HORMAD2: variants seen among roughly 807,000 people sequenced by gnomAD.
HORMAD2 encodes HORMA domain containing 2.
In HORMAD2, 45 loss-of-function variants were observed where a neutral mutation model predicts 38.8. The ratio of observed to expected loss-of-function variants is 1.16; its 90% CI spans 0.91 to 1.49. HORMAD2 has a LOEUF of 1.49. Ranked by LOEUF, HORMAD2 falls within the 40% of genes most tolerant of loss-of-function variation. The pLI, the probability that HORMAD2 is intolerant of heterozygous loss-of-function variation, is 0.00. For synonymous variants in HORMAD2, 126 were observed against 122.8 expected (o/e 1.03, Z -0.17); for missense variants, 338 against 367.0 (o/e 0.92, Z 0.65).
chr22:30,152,349 AC>A (rs540049790), intron 10 of HORMAD2, among the ~76,000 whole-genome samples: 399 of 151,682 alleles, frequency 2.6e-3, no homozygotes, highest in African/African-American at 9.0e-3. Flanking sequence ...GGTTTGTGCC[AC>A]CATGCCTGGC....
rs554547882 is a variant in HORMAD2 at position 30,135,015 on chromosome 22, A to G, written c.819+12801A>G. Among the ~76,000 whole-genome samples, 57 of 152,288 alleles carry G rather than the reference A, an allele frequency of 3.7e-4. 1 individual carries two copies. In the South Asian group the frequency reaches 0.011, roughly 30 times the overall value. On this transcript the variant is annotated intron_variant, in intron 10 of 10. Coordinates refer to ENST00000336726, the MANE Select transcript of HORMAD2 (RefSeq NM_152510.4). ...GAAGAAACAGAAGTTCAAAGACATT[A>G]AGTAGCATGTCCAAGGTTGCCCAAC...
At chr22:30,086,135 G>A (rs1373467558) in intron 1 of HORMAD2, among the ~76,000 whole-genome samples, 1 of 152,110 alleles carries the variant, frequency 6.6e-6, no homozygotes. Context: ...TTAAAAGTGT[G>A]TAGCACCTCC....
At chr22:30,162,713 T>C (rs887153538) in intron 10 of HORMAD2, among the ~76,000 whole-genome samples, 3 of 149,702 alleles carry the variant, frequency 2.0e-5, no homozygotes, top group South Asian at 2.1e-4. Context: ...TTTTTTTTTT[T>C]TTTTTTTGAG....
chr22:30,077,988 G>A (rs2068404312), upstream of HORMAD2, among the ~76,000 whole-genome samples: 1 of 152,204 alleles, frequency 6.6e-6, no homozygotes, highest in South Asian at 2.1e-4. Flanking sequence ...TTGACCTCAA[G>A]GAGTTAAGCC....
At chr22:30,116,427 A>G (rs924237213) in intron 7 of HORMAD2, among the ~76,000 whole-genome samples, 31 of 152,162 alleles carry the variant, frequency 2.0e-4, no homozygotes, top group African/African-American at 7.0e-4. Context: ...TGGACTTGCA[A>G]TTTGCTTTAG....
chr22:30,104,602 T>C, intron 5 of HORMAD2, 165 bp downstream of exon 5: 1 of 514,408 alleles, frequency 1.9e-6, no homozygotes, highest in Non-Finnish European at 3.4e-6. Context: ...TGTTGTTGTC[T>C]CCTTTGCATC....
the HORMAD2 span, among the ~76,000 whole-genome samples, chr22:30,200,169 G>A: frequency 6.6e-6 from 1 of 151,940 alleles, no homozygotes; most frequent in Non-Finnish European, 1.5e-5. Context: ...CACCCGCCTA[G>A]GCCTCCCAAA....
At chr22:30,153,797 C>T (rs1300905055) in intron 10 of HORMAD2, among the ~76,000 whole-genome samples, 1 of 152,154 alleles carries the variant, frequency 6.6e-6, no homozygotes, top group African/African-American at 2.4e-5. Context: ...AACCTAAAAG[C>T]CATCTTTAGT....
intron 7 of HORMAD2, among the ~76,000 whole-genome samples, chr22:30,117,865 C>T (rs948581007): frequency 5.3e-5 from 8 of 152,168 alleles, no homozygotes; most frequent in Admixed American, 2.0e-4. Flanking sequence ...GAAATTTGTC[C>T]CTCTTTATTT....
At chr22:30,201,874 A>G in the HORMAD2 span, among the ~76,000 whole-genome samples, 2 of 152,210 alleles carry the variant, frequency 1.3e-5, no homozygotes, top group Admixed American at 1.3e-4. Context: ...AGGTGGCCAC[A>G]CGGTGAAGGA....
At chr22:30,095,979 C>T (rs976721967) in intron 2 of HORMAD2, among the ~76,000 whole-genome samples, 1 of 152,130 alleles carries the variant, frequency 6.6e-6, no homozygotes, top group Non-Finnish European at 1.5e-5. Context: ...ACCATCTTGA[C>T]ATCTAACAGC....
chr22:30,151,798 T>G (rs916169770), intron 10 of HORMAD2, among the ~76,000 whole-genome samples: 18 of 152,238 alleles, frequency 1.2e-4, no homozygotes, highest in Non-Finnish European at 1.8e-4. Context: ...ATAGATACTT[T>G]CATAGGAATT....
At chr22:30,176,000 A>T in intron 10 of HORMAD2, 63 bp from the exon 11 acceptor site, 1 of 1,044,768 alleles carries the variant, frequency 9.6e-7, no homozygotes, top group Non-Finnish European at 1.5e-6. Flanking sequence ...CCTGTCTTAT[A>T]TATGTCTTGT....
At chr22:30,161,493 T>A (rs1472627422) in intron 10 of HORMAD2, among the ~76,000 whole-genome samples, 1 of 152,224 alleles carries the variant, frequency 6.6e-6, no homozygotes, top group Non-Finnish European at 1.5e-5. Flanking sequence ...ATTTCCTCTA[T>A]TCATGCCACA....
intron 10 of HORMAD2, among the ~76,000 whole-genome samples, chr22:30,166,124 T>C (rs1925766632): frequency 1.3e-5 from 2 of 152,036 alleles, no homozygotes; most frequent in South Asian, 4.1e-4. Flanking sequence ...CCAACAGACA[T>C]ATTATTGGAA....
chr22:30,168,863 C>T (rs746234102), intron 10 of HORMAD2, among the ~76,000 whole-genome samples: 3 of 152,088 alleles, frequency 2.0e-5, no homozygotes, highest in Non-Finnish European at 4.4e-5. Flanking sequence ...CCATAGGGAT[C>T]TTTCTAAAAC....
At chr22:30,177,571 T>C (rs1926527847), downstream of HORMAD2, among the ~76,000 whole-genome samples, 1 of 152,196 alleles carries the variant, frequency 6.6e-6, no homozygotes, top group African/African-American at 2.4e-5. Context: ...GATAGAATTG[T>C]AGACTGAGTC....
chr22:30,080,781 A>T (rs1015529169), intron 1 of HORMAD2, among the ~76,000 whole-genome samples: 24 of 152,044 alleles, frequency 1.6e-4, no homozygotes, highest in Admixed American at 1.5e-3. Context: ...AAACTTGCTG[A>T]GCAAGCAGCA....
chr22:30,139,265 T>TATATATATAG (rs1198108813), intron 10 of HORMAD2, among the ~76,000 whole-genome samples: 81 of 127,374 alleles, frequency 6.4e-4, no homozygotes, highest in African/African-American at 2.1e-3. Flanking sequence ...TATATATATA[T>TATATATATAG]ATATATATAT....
Sources: gnomAD v4.1 joint callset for allele counts (sites outside exome capture counted in the v4.1 genomes callset) on GRCh38, gnomAD v4.1.1 for gene constraint, MANE v1.5 for transcripts, NCBI Gene and HGNC (gene_info 2026-07-23, HGNC 2026-07-21) for gene names.